CHCHD3: variants seen among roughly 807,000 people sequenced by gnomAD.
The protein encoded by CHCHD3 is MICOS complex subunit MIC19.
In CHCHD3, 20 loss-of-function variants were observed where a neutral mutation model predicts 38.2. The observed-to-expected ratio is 0.52, with a 90% CI of 0.37 to 0.76. The LOEUF (loss-of-function observed/expected upper bound fraction) is 0.76. Ranked by LOEUF, CHCHD3 falls within the 30% of genes least tolerant of loss-of-function variation. CHCHD3 has a pLI of 0.00. For synonymous variants in CHCHD3, 82 were observed against 100.0 expected (o/e 0.82, Z 1.07); for missense variants, 245 against 279.2 (o/e 0.88, Z 0.87).
At chr7:133,034,698 T>A (rs1813605995) in intron 2 of CHCHD3, 1 of 1,613,174 alleles carries the variant, frequency 6.2e-7, no homozygotes, top group African/African-American at 1.3e-5. Flanking sequence ...CGTCTGGGTC[T>A]CCTCTCTGCC....
intron 7 of CHCHD3, 126 bp downstream of exon 7, chr7:132,796,316 G>A: frequency 1.0e-6 from 1 of 993,312 alleles, no homozygotes; most frequent in Admixed American, 2.2e-5. Context: ...AGTAATTCTT[G>A]ATGATGATGA....
At chr7:133,031,284 G>A (rs892130801) in intron 2 of CHCHD3, among the ~76,000 whole-genome samples, 11 of 152,054 alleles carry the variant, frequency 7.2e-5, no homozygotes, top group African/African-American at 2.4e-4. Context: ...GGGAGGGAAT[G>A]GTACGGGGAG....
At chr7:132,909,184 A>G (rs1809874440) in intron 4 of CHCHD3, among the ~76,000 whole-genome samples, 1 of 152,114 alleles carries the variant, frequency 6.6e-6, no homozygotes, top group Non-Finnish European at 1.5e-5. Flanking sequence ...ACTGTGAGTC[A>G]ATTAAACCTC....
chr7:132,955,998 T>C (rs1471578611), intron 4 of CHCHD3, among the ~76,000 whole-genome samples: 2 of 152,222 alleles, frequency 1.3e-5, no homozygotes, highest in Non-Finnish European at 2.9e-5. Context: ...AAGATCAGTC[T>C]ATTCAGAAAG....
chr7:132,798,373 A>C (rs1806675455), intron 6 of CHCHD3, among the ~76,000 whole-genome samples: 1 of 152,170 alleles, frequency 6.6e-6, no homozygotes. Context: ...ATTTTTCTGG[A>C]CACAGATTTC....
At chr7:133,014,482 C>T (rs546704176) in intron 3 of CHCHD3, among the ~76,000 whole-genome samples, 2 of 152,168 alleles carry the variant, frequency 1.3e-5, no homozygotes, top group African/African-American at 4.8e-5. Context: ...ATTCTAGTTC[C>T]AACGGCAAAT....
chr7:133,024,475 A>C, intron 3 of CHCHD3, 71 bp downstream of exon 3: 1 of 1,062,502 alleles, frequency 9.4e-7, no homozygotes, highest in Non-Finnish European at 1.5e-6. Flanking sequence ...TATCACAATC[A>C]TTCTTCTCTA....
chr7:133,042,684 G>C (rs1385606996), intron 2 of CHCHD3, among the ~76,000 whole-genome samples: 1 of 152,112 alleles, frequency 6.6e-6, no homozygotes, highest in South Asian at 2.1e-4. Context: ...TCTTCTCTCT[G>C]CTACACATTC....
At chr7:132,864,894 C>T (rs939469765) in intron 5 of CHCHD3, among the ~76,000 whole-genome samples, 6 of 152,164 alleles carry the variant, frequency 3.9e-5, no homozygotes, top group Admixed American at 3.3e-4. Context: ...TCCTGCATAA[C>T]ATCCTTCCCA....
At chr7:132,821,744 A>G (rs1350740960) in intron 6 of CHCHD3, among the ~76,000 whole-genome samples, 2 of 139,604 alleles carry the variant, frequency 1.4e-5, no homozygotes, top group Non-Finnish European at 3.0e-5. Context: ...TTAGCACTCA[A>G]ATCTTTTTTT....
At chr7:133,078,654 C>A (rs1050627819) in intron 1 of CHCHD3, among the ~76,000 whole-genome samples, 1 of 152,184 alleles carries the variant, frequency 6.6e-6, no homozygotes, top group Non-Finnish European at 1.5e-5. Context: ...GTTTACTGAA[C>A]GCTTGTCACT....
intron 4 of CHCHD3, among the ~76,000 whole-genome samples, chr7:132,906,419 C>A (rs1585625458): frequency 6.6e-6 from 1 of 152,152 alleles, no homozygotes; most frequent in East Asian, 1.9e-4. Flanking sequence ...CAAGTTAACA[C>A]CCCCTCCACC....
At chr7:132,885,402 T>C (rs1018706222) in intron 5 of CHCHD3, among the ~76,000 whole-genome samples, 1 of 152,180 alleles carries the variant, frequency 6.6e-6, no homozygotes, top group Non-Finnish European at 1.5e-5. Context: ...ATGTAGATTC[T>C]AAACATATAA....
chr7:132,847,068 C>T (rs998355796), intron 5 of CHCHD3, among the ~76,000 whole-genome samples: 8 of 152,146 alleles, frequency 5.3e-5, no homozygotes, highest in Non-Finnish European at 7.3e-5. Flanking sequence ...TCCCTTGTAG[C>T]CACCCCGAGC....
In CHCHD3 at chr7:133,013,206, A is replaced by AAAAAAAAAAAG. The variant is rs35863843; in HGVS notation, c.251+11339_251+11340insCTTTTTTTTTT. Among the ~76,000 whole-genome samples, 9 of 108,734 alleles carry AAAAAAAAAAAG rather than the reference A, an allele frequency of 8.3e-5. 3 individuals carry two copies. The highest frequency in any genetic ancestry group is 1.1e-4 in the African/African-American group (3 of 28,408). 71.3% of individuals were successfully genotyped at this position (108,734 alleles called of 152,430 possible). On this transcript the variant is annotated intron_variant, in intron 3 of 7. Coordinates refer to ENST00000262570, the MANE Select transcript of CHCHD3 (RefSeq NM_017812.4). ...GCCTCAAAAAAAAAAAAAAAAAAAA[A>AAAAAAAAAAAG]CATTCAGACAGACATATAATAGGTA...
In CHCHD3 at chr7:133,035,822, G is replaced by A; in HGVS notation, c.170-11195C>T. The stretch of plus-strand genomic sequence containing the variant: ...GGCCAAAATGGAAGTGGGGTGGTGC[G>A]GAGAGCACGCGGATCTGAGCCCCGC... On this transcript the variant is annotated intron_variant, in intron 2 of 7. Coordinates refer to ENST00000262570, the MANE Select transcript of CHCHD3 (RefSeq NM_017812.4). This position sits in a 1 kb window ranked among gnomAD's most constrained non-coding sequence, Gnocchi z 4.7. 6.2e-7 allele frequency: 1 copy of A among 1,613,040 alleles called. No homozygotes were observed. The highest frequency in any genetic ancestry group is 8.5e-7 in the Non-Finnish European group (1 of 1,179,078).
intron 5 of CHCHD3, among the ~76,000 whole-genome samples, chr7:132,883,596 A>C (rs1261927059): frequency 6.6e-6 from 1 of 152,116 alleles, no homozygotes; most frequent in African/African-American, 2.4e-5. Context: ...AAACTATATG[A>C]GCTTCATACT....
intron 4 of CHCHD3, among the ~76,000 whole-genome samples, chr7:132,917,674 C>T (rs962176701): frequency 2.6e-5 from 4 of 151,834 alleles, no homozygotes; most frequent in Admixed American, 6.6e-5. Flanking sequence ...CTGGTTAACA[C>T]GGTGAAACCC....
chr7:132,807,628 T>TATATATATATAC (rs1806962876), intron 6 of CHCHD3, among the ~76,000 whole-genome samples: 1 of 138,280 alleles, frequency 7.2e-6, no homozygotes, highest in African/African-American at 2.9e-5. Flanking sequence ...TATATATATA[T>TATATATATATAC]ATATATATAT....
Sources: gnomAD v4.1 joint callset for allele counts (sites outside exome capture counted in the v4.1 genomes callset) on GRCh38, gnomAD v4.1.1 for gene constraint, Gnocchi (gnomAD v3.1) non-coding constraint, MANE v1.5 for transcripts, NCBI Gene and HGNC (gene_info 2026-07-23, HGNC 2026-07-21) for gene names.